The following SCG5 variants were observed in gnomAD, a reference collection of about 807,000 sequenced individuals.
SCG5 encodes neuroendocrine protein 7B2.
In SCG5, 18 loss-of-function variants were observed where a neutral mutation model predicts 25.7. The ratio of observed to expected loss-of-function variants is 0.70; its 90% CI spans 0.48 to 1.04. The LOEUF (loss-of-function observed/expected upper bound fraction) is 1.04, where lower values mean the gene tolerates loss of function less well. Ranked by LOEUF, SCG5 falls within the 50% of genes least tolerant of loss-of-function variation. The pLI is 0.00. For synonymous variants in SCG5, 101 were observed against 91.7 expected, an observed-to-expected ratio of 1.10 and a Z score of -0.58; for missense variants, 206 against 259.8, an observed-to-expected ratio of 0.79 and a Z score of 1.42.
At chr15:32,643,519 A>G (rs2053897900) in intron 1 of SCG5, 67 bp from the exon 2 acceptor site, 1 of 1,277,282 alleles carries the variant, frequency 7.8e-7, no homozygotes, top group African/African-American at 1.5e-5. Context: ...TGGTTGCATC[A>G]TTATAATTGT....
At chr15:32,668,816 T>C (rs1241556155) in intron 2 of SCG5, among the ~76,000 whole-genome samples, 1 of 152,240 alleles carries the variant, frequency 6.6e-6, no homozygotes, top group Non-Finnish European at 1.5e-5. Flanking sequence ...AGCCATTCAT[T>C]GCTTCTCTCT....
chr15:32,667,210 G>A (rs2054334238), intron 2 of SCG5, among the ~76,000 whole-genome samples: 1 of 152,108 alleles, frequency 6.6e-6, no homozygotes, highest in Non-Finnish European at 1.5e-5. Flanking sequence ...GAACAGCACT[G>A]CTATATACTA....
At chr15:32,668,563 G>C (rs1285818850) in intron 2 of SCG5, among the ~76,000 whole-genome samples, 1 of 152,194 alleles carries the variant, frequency 6.6e-6, no homozygotes, top group Non-Finnish European at 1.5e-5. Flanking sequence ...CTCTGAATGG[G>C]CACAGCGCTG....
At position 32,644,974 on chromosome 15, in the gene SCG5, C is replaced by T. The variant is rs143678885; in HGVS notation, c.226+1156C>T. ...TTTAAGCCATTGAGTAAAACTAATTCGGTGAGATTGTAGTCTGTTTAGGTT... is the reference window on the plus strand; with the variant it reads ...TTTAAGCCATTGAGTAAAACTAATTTGGTGAGATTGTAGTCTGTTTAGGTT... On this transcript the variant is annotated intron_variant, in intron 2 of 5. Coordinates refer to ENST00000300175, the MANE Select transcript of SCG5 (RefSeq NM_001144757.3). Among the ~76,000 whole-genome samples, 334 of 152,302 alleles carry T rather than the reference C, an allele frequency of 2.2e-3. 1 individual carries two copies. The highest frequency in any genetic ancestry group is 2.1e-3 in the Non-Finnish European group (144 of 68,026).
At chr15:32,652,338 A>C (rs540682399) in intron 2 of SCG5, among the ~76,000 whole-genome samples, 4 of 152,216 alleles carry the variant, frequency 2.6e-5, no homozygotes, top group Non-Finnish European at 4.4e-5. Context: ...GTGTTCCCAG[A>C]ATGTCAGGTA....
chr15:32,670,607 T>C (rs1352642852), intron 2 of SCG5, among the ~76,000 whole-genome samples: 1 of 152,236 alleles, frequency 6.6e-6, no homozygotes, highest in Non-Finnish European at 1.5e-5. Context: ...TAAACTATTG[T>C]GTGTTCATTT....
At chr15:32,681,565 T>C (rs1407811329) in intron 3 of SCG5, among the ~76,000 whole-genome samples, 1 of 151,490 alleles carries the variant, frequency 6.6e-6, no homozygotes, top group Non-Finnish European at 1.5e-5. Context: ...ATTCTGTGCC[T>C]CAGCCTTCCA....
chr15:32,657,209 A>ATATATGTATGTATG lies in SCG5; in HGVS notation c.226+13394_226+13395insATGTATGTATGTAT. On this transcript the variant is annotated intron_variant, in intron 2 of 5. Transcript: ENST00000300175. Reference sequence around the variant, plus strand: ...TTCTTTCATCCTCCTGTATATATATATATGTATGTATTTCCAGGTGTAAGT... The same window carrying ATATATGTATGTATG: ...TTCTTTCATCCTCCTGTATATATATATATATGTATGTATGTATGTATGTATTTCCAGGTGTAAGT... 2.3e-4 allele frequency among the ~76,000 whole-genome samples: 9 copies of ATATATGTATGTATG among 38,752 alleles called. 2 individuals are homozygous for ATATATGTATGTATG. Among genetic ancestry groups the ATATATGTATGTATG allele is most frequent in the Admixed American group, 1.1e-3 (3 of 2,658 alleles). The allele number at this position is 38,752 out of a possible 152,430, so 25.4% of individuals were successfully genotyped here. A position where few individuals can be genotyped will look rare whatever the true frequency, so the allele number is the denominator to read the frequency against.
At chr15:32,667,850 T>C (rs1158666175) in intron 2 of SCG5, among the ~76,000 whole-genome samples, 1 of 152,094 alleles carries the variant, frequency 6.6e-6, no homozygotes, top group East Asian at 1.9e-4. Flanking sequence ...CTTTTTTGTA[T>C]TTTTATTACA....
At chr15:32,679,722 T>C in intron 2 of SCG5, 44 bp from the exon 3 acceptor site, 1 of 1,604,640 alleles carries the variant, frequency 6.2e-7, no homozygotes, top group Non-Finnish European at 8.5e-7. Flanking sequence ...TGGTTGAAAT[T>C]AATTGAATTG....
chr15:32,684,929 G>C (rs2054679133), intron 4 of SCG5, among the ~76,000 whole-genome samples: 1 of 152,190 alleles, frequency 6.6e-6, no homozygotes, highest in African/African-American at 2.4e-5. Context: ...ACTCTGGTCT[G>C]CTTCACAGCC....
rs753384664 is a variant in SCG5, at chr15:32,643,747, G to T, written c.155G>T (p.Gly52Val). The T allele has an allele frequency of 1.2e-6, 2 of 1,613,922 alleles. No individual in the cohort carries two copies. Among genetic ancestry groups the T allele is most frequent in the Admixed American group, 1.7e-5 (1 of 60,014 alleles). The change falls in exon 2 of 6, where the codon GGC becomes GTC. Residue 52 changes from glycine (G) to valine (V), a missense_variant. By Grantham distance (109) the Gly-to-Val change is moderately radical (BLOSUM62 -3). Coordinates refer to ENST00000300175, the MANE Select transcript of SCG5 (RefSeq NM_001144757.3). ...CTTCATGGTGTTATGGAGCAATTGGGCATTGCCAGGCCCCGAGTGGAATAT... is the reference window on the plus strand; with the variant it reads ...CTTCATGGTGTTATGGAGCAATTGGTCATTGCCAGGCCCCGAGTGGAATAT... ...RLLHGVMEQL[G>V]IARPRVEYPA...
At chr15:32,642,253 A>G (rs1286557362) in intron 1 of SCG5, among the ~76,000 whole-genome samples, 1 of 151,908 alleles carries the variant, frequency 6.6e-6, no homozygotes, top group East Asian at 1.9e-4. Context: ...CCCCATCCTC[A>G]GTAGAAGAAT....
chr15:32,658,681 T>C (rs2054165302), intron 2 of SCG5, among the ~76,000 whole-genome samples: 1 of 152,176 alleles, frequency 6.6e-6, no homozygotes, highest in Non-Finnish European at 1.5e-5. Flanking sequence ...CTGTAACACT[T>C]CTCTGTCCTT....
intron 2 of SCG5, among the ~76,000 whole-genome samples, chr15:32,663,057 ATATATATATATATATATATATAAT>A (rs1179033187): frequency 1.4e-5 from 1 of 69,554 alleles, no homozygotes; most frequent in African/African-American, 7.1e-5. Context: ...ATATATATAT[ATATATATATATATATATATATAAT>A]ATATAATATG....
intron 2 of SCG5, among the ~76,000 whole-genome samples, chr15:32,676,738 AC>A (rs1234000945): frequency 6.6e-6 from 1 of 152,230 alleles, no homozygotes; most frequent in Non-Finnish European, 1.5e-5. Flanking sequence ...ACACAAATCA[AC>A]AGAGTGAGAG....
At chr15:32,658,583 C>T (rs1290339153) in intron 2 of SCG5, among the ~76,000 whole-genome samples, 1 of 152,188 alleles carries the variant, frequency 6.6e-6, no homozygotes, top group East Asian at 1.9e-4. Context: ...AGCATCTGGG[C>T]ACAGTGGCAC....
intron 2 of SCG5, among the ~76,000 whole-genome samples, chr15:32,665,409 C>A (rs142445611): frequency 1.4e-3 from 217 of 151,416 alleles, no homozygotes; most frequent in African/African-American, 5.1e-3. Flanking sequence ...CTGACACTTT[C>A]TGAAAGATGC....
chr15:32,659,944 A>G (rs2054189831), intron 2 of SCG5, among the ~76,000 whole-genome samples: 1 of 152,154 alleles, frequency 6.6e-6, no homozygotes, highest in African/African-American at 2.4e-5. Context: ...CAGACTCTGA[A>G]TAGCCCTTGG....
Sources: gnomAD v4.1 joint callset for allele counts (sites outside exome capture counted in the v4.1 genomes callset) on GRCh38, gnomAD v4.1.1 for gene constraint, MANE v1.5 for transcripts, NCBI Gene and HGNC (gene_info 2026-07-23, HGNC 2026-07-21) for gene names.